Variants in SNX27 observed in about 807,000 individuals in gnomAD.
SNX27 encodes sorting nexin-27.
In SNX27, 22 loss-of-function variants were observed where a neutral mutation model predicts 71.6. The ratio of observed to expected loss-of-function variants is 0.31; its 90% CI spans 0.22 to 0.44. The LOEUF (loss-of-function observed/expected upper bound fraction) is 0.44. Among genes scored for constraint, SNX27 ranks in the 20% least tolerant of loss-of-function variants. The probability of loss-of-function intolerance (pLI) is 1.00; values close to 1 mark genes in which losing one functional copy is unlikely to be tolerated. For missense variants in SNX27, 531 were observed against 698.6 expected (o/e 0.76, Z 2.70); for synonymous variants, 269 against 277.2 (o/e 0.97, Z 0.29).
rs939971210 is a variant in SNX27, at chr1:151,681,382, C to T, written c.1150-1974C>T. ...TCAGCCTCCTGAGAAGCTGGGACTA[C>T]AGGCGCCTGCCACCTCTCCCCGGCT... is the stretch of plus-strand genomic sequence containing the variant. On this transcript the variant is annotated intron_variant, in intron 7 of 11. Transcript: ENST00000458013. Among the ~76,000 whole-genome samples the T allele has an allele frequency of 7.3e-5, 11 of 151,680 alleles. No individual in the cohort carries two copies. In the East Asian group the frequency reaches 2.1e-3, roughly 29 times the overall value.
chr1:151,692,768 ATTC>A (rs2102743495), intron 9 of SNX27, 140 bp from the exon 10 acceptor site: 15 of 1,375,588 alleles, frequency 1.1e-5, no homozygotes, highest in Non-Finnish European at 1.5e-5. Context: ...ACTGATTTGT[ATTC>A]TTCTATCACA....
At chr1:151,632,265 C>T (rs1668271690) in intron 1 of SNX27, among the ~76,000 whole-genome samples, 1 of 151,718 alleles carries the variant, frequency 6.6e-6, no homozygotes, top group African/African-American at 2.4e-5. Context: ...TCAAGTGATT[C>T]TCCTGCCTCA....
At chr1:151,623,057 C>T (rs1032022770) in intron 1 of SNX27, among the ~76,000 whole-genome samples, 1 of 150,444 alleles carries the variant, frequency 6.6e-6, no homozygotes, top group Non-Finnish European at 1.5e-5. Flanking sequence ...ACTGCAACCT[C>T]CCCCTCCCAG....
intron 7 of SNX27, among the ~76,000 whole-genome samples, chr1:151,680,674 G>A (rs958504024): frequency 6.6e-6 from 1 of 152,112 alleles, no homozygotes; most frequent in East Asian, 1.9e-4. Flanking sequence ...TATTCTCATC[G>A]AAACAATACA....
At chr1:151,655,453 T>C (rs555526250) in intron 2 of SNX27, among the ~76,000 whole-genome samples, 17 of 152,366 alleles carry the variant, frequency 1.1e-4, no homozygotes, top group African/African-American at 4.1e-4. Context: ...TATGTCTTGC[T>C]TTAGCTCCCT....
intron 5 of SNX27, among the ~76,000 whole-genome samples, chr1:151,665,217 C>A (rs1670140216): frequency 6.6e-6 from 1 of 152,122 alleles, no homozygotes; most frequent in African/African-American, 2.4e-5. Context: ...ATGTAATTGT[C>A]ATTTATTTGC....
intron 11 of SNX27, chr1:151,693,834 C>T: frequency 2.1e-6 from 3 of 1,437,254 alleles, no homozygotes; most frequent in Non-Finnish European, 2.7e-6. Context: ...TCAGTTGTAG[C>T]CGTCTTGACT....
intron 8 of SNX27, among the ~76,000 whole-genome samples, chr1:151,684,737 T>C (rs1207912320): frequency 6.6e-6 from 1 of 152,190 alleles, no homozygotes; most frequent in South Asian, 2.1e-4. Context: ...ATCTTAAATG[T>C]GATCAGAACA....
intron 1 of SNX27, among the ~76,000 whole-genome samples, chr1:151,633,489 G>T (rs539883985): frequency 6.6e-6 from 1 of 152,078 alleles, no homozygotes; most frequent in Non-Finnish European, 1.5e-5. Context: ...GTAGAGATGG[G>T]GTTTCGCCTT....
rs12121327 is a variant in SNX27, at chr1:151,690,616, G to T, written c.1240-1819G>T. 2.8e-3 allele frequency among the ~76,000 whole-genome samples: 390 copies of T among 139,972 alleles called. 2 individuals carry two copies. The highest frequency in any genetic ancestry group is 9.2e-3 in the African/African-American group (354 of 38,286). 91.8% of individuals were successfully genotyped at this position (139,972 alleles called of 152,430 possible). ...CAGGTGCCCGGCAAATTTTTTTTTT[G>T]TTTTTTTTTTTATAGAGATGGGGTT... On this transcript the variant is annotated intron_variant, in intron 8 of 11. Coordinates refer to ENST00000458013, the MANE Select transcript of SNX27 (RefSeq NM_001330723.2).
chr1:151,658,122 T>G, intron 2 of SNX27, 113 bp from the exon 3 acceptor site: 1 of 932,494 alleles, frequency 1.1e-6, no homozygotes, highest in Non-Finnish European at 1.6e-6. Flanking sequence ...AATATAGTCT[T>G]TGTTAAATGC....
intron 8 of SNX27, among the ~76,000 whole-genome samples, chr1:151,683,726 T>C (rs978322923): frequency 4.6e-5 from 7 of 152,116 alleles, no homozygotes; most frequent in African/African-American, 1.7e-4. Context: ...AAGTGCAGTG[T>C]CGCGATCTAG....
At chr1:151,646,738 C>A (rs2102649555) in intron 2 of SNX27, among the ~76,000 whole-genome samples, 1 of 150,682 alleles carries the variant, frequency 6.6e-6, no homozygotes, top group African/African-American at 2.4e-5. Flanking sequence ...GATGTTAATT[C>A]CTACAAATTT....
intron 7 of SNX27, among the ~76,000 whole-genome samples, chr1:151,669,554 C>G (rs369812071): frequency 3.3e-5 from 5 of 152,160 alleles, no homozygotes; most frequent in Admixed American, 2.0e-4. Context: ...CCTGTGGAGT[C>G]TCTTCCTCTA....
At position 151,692,432 on chromosome 1, in the gene SNX27, T is replaced by TTC. The variant is rs71093207; in HGVS notation, c.1240-3_1240-2insTC. ...TTTTTTTTTTTTTTTTTTTTTTTTT[T>TTC]AGTACCTCAACATGCTAAGGACTTG... On this transcript the variant is annotated splice_region_variant and splice_polypyrimidine_tract_variant and intron_variant, in intron 8 of 11. Coordinates refer to ENST00000458013, the MANE Select transcript of SNX27 (RefSeq NM_001330723.2). 1 of 1,450,452 alleles carries TTC rather than the reference T, an allele frequency of 6.9e-7. No individual in the cohort carries two copies. Among genetic ancestry groups the TTC allele is most frequent in the Non-Finnish European group, 9.1e-7 (1 of 1,100,498 alleles). The allele number at this position is 1,450,452 out of a possible 1,614,324, so 89.8% of individuals were successfully genotyped here.
At chr1:151,630,169 A>G (rs1379638765) in intron 1 of SNX27, among the ~76,000 whole-genome samples, 1 of 152,006 alleles carries the variant, frequency 6.6e-6, no homozygotes, top group African/African-American at 2.4e-5. Context: ...CTTAGAAGAA[A>G]TACTTGAGAG....
chr1:151,614,517 T>C (rs1667343566), intron 1 of SNX27: 1 of 152,216 alleles, frequency 6.6e-6, no homozygotes, highest in Non-Finnish European at 1.5e-5. Flanking sequence ...GAGACGGGTT[T>C]CACCATGTTG....
At chr1:151,621,077 G>C (rs1667654170) in intron 1 of SNX27, among the ~76,000 whole-genome samples, 1 of 152,196 alleles carries the variant, frequency 6.6e-6, no homozygotes, top group African/African-American at 2.4e-5. Context: ...GAAACTTAAT[G>C]TGGTACTAAA....
chr1:151,612,927 C>T lies in SNX27; in HGVS notation c.311+415C>T, dbSNP rs527301790. Among the ~76,000 whole-genome samples, 5 of 151,990 alleles carry T rather than the reference C, an allele frequency of 3.3e-5. No homozygotes were observed. The highest frequency in any genetic ancestry group is 1.2e-4 in the African/African-American group (5 of 41,358). ...GATCCAGCCAGTACCGTGTCCCCCC[C>T]AAGTTCTCATCTTCAGCATCGCAGT... On this transcript the variant is annotated intron_variant, in intron 1 of 11. Transcript: ENST00000458013. The surrounding 1 kb of genome is among the most constrained non-coding windows in gnomAD (Gnocchi z 5.2).
Sources: allele counts gnomAD v4.1 joint callset (sites outside exome capture counted in the v4.1 genomes callset), GRCh38; gene constraint gnomAD v4.1.1; non-coding constraint Gnocchi (gnomAD v3.1); transcripts MANE v1.5; gene names NCBI Gene and HGNC (gene_info 2026-07-23, HGNC 2026-07-21).